EXOC4: variants seen among roughly 807,000 people sequenced by gnomAD.
The protein encoded by EXOC4 is exocyst complex component 4, also known as SEC8-like 1.
EXOC4 carries 71 observed loss-of-function variants against 107.2 expected under a neutral mutation model. The observed-to-expected ratio is 0.66, with a 90% CI of 0.55 to 0.81. The LOEUF (loss-of-function observed/expected upper bound fraction) is 0.81, where lower values mean the gene tolerates loss of function less well. EXOC4 is among the 30% of genes least tolerant of loss of function. The pLI is 0.00. For missense variants in EXOC4, 1,108 were observed against 1,189.6 expected, an observed-to-expected ratio of 0.93 and a Z score of 1.01; for synonymous variants, 456 against 441.2, an observed-to-expected ratio of 1.03 and a Z score of -0.42.
intron 7 of EXOC4, among the ~76,000 whole-genome samples, chr7:133,458,614 G>A (rs962611056): frequency 6.6e-6 from 1 of 152,174 alleles, no homozygotes; most frequent in African/African-American, 2.4e-5. Flanking sequence ...TGCTTCTCAG[G>A]TTTTCTTGTA....
intron 9 of EXOC4, among the ~76,000 whole-genome samples, chr7:133,606,648 A>G (rs932656441): frequency 2.6e-5 from 4 of 151,276 alleles, no homozygotes; most frequent in Admixed American, 6.6e-5. Context: ...CTGAGTAGCT[A>G]GGATTATAGG....
chr7:133,516,224 T>A (rs2083566761), intron 9 of EXOC4, among the ~76,000 whole-genome samples: 1 of 152,184 alleles, frequency 6.6e-6, no homozygotes. Context: ...ACCATACTGT[T>A]CACCCATTTC....
At chr7:133,573,779 A>C (rs1018873774) in intron 9 of EXOC4, among the ~76,000 whole-genome samples, 2 of 152,184 alleles carry the variant, frequency 1.3e-5, no homozygotes, top group Non-Finnish European at 2.9e-5. Flanking sequence ...TTGGCCTCAC[A>C]AAGTGCTGGG....
At chr7:134,072,500 G>A in the EXOC4 span, among the ~76,000 whole-genome samples, 1 of 152,108 alleles carries the variant, frequency 6.6e-6, no homozygotes, top group Non-Finnish European at 1.5e-5. Context: ...GTCTTCCTAG[G>A]TTTTAGGACC....
chr7:133,735,810 G>A (rs907887137), intron 10 of EXOC4, among the ~76,000 whole-genome samples: 7 of 151,998 alleles, frequency 4.6e-5, no homozygotes, highest in Non-Finnish European at 1.0e-4. Flanking sequence ...TTACTTCCCC[G>A]GCATGGTGGA....
At chr7:133,504,254 T>G (rs755324753) in intron 9 of EXOC4, among the ~76,000 whole-genome samples, 1 of 152,064 alleles carries the variant, frequency 6.6e-6, no homozygotes, top group Non-Finnish European at 1.5e-5. Flanking sequence ...TTATAAAAAT[T>G]GAGAAAATTA....
At chr7:133,488,571 CAATT>C (rs937275950) in intron 9 of EXOC4, among the ~76,000 whole-genome samples, 5 of 151,920 alleles carry the variant, frequency 3.3e-5, no homozygotes, top group African/African-American at 1.2e-4. Context: ...AATGGTGAGA[CAATT>C]GATCATGCAT....
chr7:133,693,858 T>G (rs1794473687), intron 10 of EXOC4, among the ~76,000 whole-genome samples: 1 of 152,120 alleles, frequency 6.6e-6, no homozygotes, highest in Non-Finnish European at 1.5e-5. Flanking sequence ...AGATTATTTA[T>G]GACATAAGCT....
chr7:133,948,142 G>A (rs901034165), intron 14 of EXOC4, among the ~76,000 whole-genome samples: 1 of 152,166 alleles, frequency 6.6e-6, no homozygotes, highest in Non-Finnish European at 1.5e-5. Flanking sequence ...ACAGAACCAC[G>A]AGTTCCAATG....
chr7:133,336,521 A>T (rs1485891464), intron 5 of EXOC4, among the ~76,000 whole-genome samples: 1 of 152,114 alleles, frequency 6.6e-6, no homozygotes, highest in Non-Finnish European at 1.5e-5. Context: ...TCATTTTACA[A>T]TTCTTGCCAA....
At chr7:133,954,598 G>A (rs1240525654) in intron 14 of EXOC4, among the ~76,000 whole-genome samples, 2 of 152,248 alleles carry the variant, frequency 1.3e-5, no homozygotes, top group South Asian at 4.1e-4. Context: ...GGAAATTGTT[G>A]TGTTACTGGA....
At chr7:133,402,881 ATTTTT>A (rs956173651) in intron 7 of EXOC4, among the ~76,000 whole-genome samples, 1 of 114,928 alleles carries the variant, frequency 8.7e-6, no homozygotes. Context: ...AGAGCCTAAT[ATTTTT>A]TTTTTTTTTT....
intron 14 of EXOC4, among the ~76,000 whole-genome samples, chr7:133,965,522 G>C (rs928104409): frequency 2.6e-5 from 4 of 152,126 alleles, no homozygotes; most frequent in Non-Finnish European, 4.4e-5. Flanking sequence ...GTAAGGAAGA[G>C]GTCCAGTTTC....
intron 10 of EXOC4, among the ~76,000 whole-genome samples, chr7:133,652,320 G>C (rs1007323048): frequency 6.6e-6 from 1 of 152,160 alleles, no homozygotes; most frequent in Non-Finnish European, 1.5e-5. Context: ...TAATTTGAAA[G>C]TGAAATACTG....
intron 17 of EXOC4, among the ~76,000 whole-genome samples, chr7:134,052,478 ATT>A (rs142514193): frequency 3.4e-5 from 5 of 147,578 alleles, no homozygotes; most frequent in African/African-American, 1.2e-4. Context: ...GGAAGGACTG[ATT>A]TTTTTTTTTT....
At chr7:133,442,752 G>A (rs563802239) in intron 7 of EXOC4, among the ~76,000 whole-genome samples, 14 of 152,268 alleles carry the variant, frequency 9.2e-5, no homozygotes, top group East Asian at 3.9e-4. Context: ...TGAAGGAATC[G>A]AAGATTTGCT....
intron 11 of EXOC4, among the ~76,000 whole-genome samples, chr7:133,832,336 T>C (rs1408997629): frequency 6.6e-6 from 1 of 152,230 alleles, no homozygotes; most frequent in African/African-American, 2.4e-5. Flanking sequence ...TACATTAATG[T>C]TCATTCTTTG....
intron 14 of EXOC4, among the ~76,000 whole-genome samples, chr7:133,944,555 A>G (rs1800506263): frequency 6.6e-6 from 1 of 152,226 alleles, no homozygotes; most frequent in Non-Finnish European, 1.5e-5. Context: ...CAATTTGTGT[A>G]GTCCTCTCTA....
chr7:133,323,732 G>A (rs1242094704), intron 5 of EXOC4, among the ~76,000 whole-genome samples: 1 of 152,216 alleles, frequency 6.6e-6, no homozygotes, highest in Non-Finnish European at 1.5e-5. Flanking sequence ...CATAAAATGA[G>A]TTAGGGAGGA....
Sources: allele counts gnomAD v4.1 joint callset (sites outside exome capture counted in the v4.1 genomes callset), GRCh38; gene constraint gnomAD v4.1.1; transcripts MANE v1.5; gene names NCBI Gene and HGNC (gene_info 2026-07-23, HGNC 2026-07-21).